The following SHANK1 variants were observed in gnomAD, a reference collection of about 807,000 sequenced individuals.
SHANK1 encodes SH3 and multiple ankyrin repeat domains protein 1.
Under a neutral mutation model 165.6 loss-of-function variants are expected in SHANK1, and 35 were observed. That is an observed-to-expected ratio of 0.21 (90% CI 0.16 to 0.28). The LOEUF is 0.28. SHANK1 is among the 10% of genes least tolerant of loss of function. SHANK1 has a pLI of 1.00. For missense variants in SHANK1, 2,681 were observed against 3,036.4 expected, an observed-to-expected ratio of 0.88 and a Z score of 2.75; for synonymous variants, 1,428 against 1,384.8, an observed-to-expected ratio of 1.03 and a Z score of -0.69.
At chr19:50,695,206 C>G (rs1479883114) in intron 15 of SHANK1, among the ~76,000 whole-genome samples, 1 of 137,502 alleles carries the variant, frequency 7.3e-6, no homozygotes, top group Admixed American at 7.0e-5. Flanking sequence ...GGGGCGCGCA[C>G]CCCCTCCCGC....
At chr19:50,677,532 C>G (rs1986019949) in intron 21 of SHANK1, among the ~76,000 whole-genome samples, 1 of 152,188 alleles carries the variant, frequency 6.6e-6, no homozygotes, top group African/African-American at 2.4e-5. Flanking sequence ...TTCTGCTAGT[C>G]TCCTCTTTCA....
chr19:50,694,351 G>A (rs1986653844), intron 15 of SHANK1, among the ~76,000 whole-genome samples: 1 of 151,158 alleles, frequency 6.6e-6, no homozygotes, highest in African/African-American at 2.4e-5. Context: ...GGGGATGACT[G>A]TGAATGGGAG....
At chr19:50,703,972 C>G in intron 10 of SHANK1, 142 bp from the exon 11 acceptor site, 1 of 841,152 alleles carries the variant, frequency 1.2e-6, no homozygotes, top group Non-Finnish European at 1.9e-6. Flanking sequence ...TGGAATTGCT[C>G]CCCCACCACC....
In SHANK1 at chr19:50,697,460, A is replaced by G; in HGVS notation, c.1937+129T>C. ...TCTGAAGCTAATTCTGGCTTATCCC[A>G]CCCCTGGATCAAACTTGAGAAGGAA... On this transcript the variant is annotated intron_variant, in intron 14 of 23. Transcript: ENST00000293441. This position sits in a 1 kb window ranked among gnomAD's most constrained non-coding sequence, Gnocchi z 4.7. The G allele has an allele frequency of 1.2e-6, 1 of 866,556 alleles. No homozygotes were observed. The highest frequency in any genetic ancestry group is 1.4e-5 in the South Asian group (1 of 69,864). The allele number at this position is 866,556 out of a possible 1,614,324, so 53.7% of individuals were successfully genotyped here.
chr19:50,681,214 A>G (rs1986170041), intron 21 of SHANK1, among the ~76,000 whole-genome samples: 1 of 151,978 alleles, frequency 6.6e-6, no homozygotes, highest in African/African-American at 2.4e-5. Flanking sequence ...AAAGATAAAG[A>G]TGGCAGGTGG....
chr19:50,671,985 C>G (rs376862785), intron 22 of SHANK1, 33 bp downstream of exon 22: 2 of 1,528,074 alleles, frequency 1.3e-6, no homozygotes, highest in Non-Finnish European at 1.8e-6. Context: ...TGGCCTCCCC[C>G]AGCCCCCACA....
intron 23 of SHANK1, among the ~76,000 whole-genome samples, chr19:50,665,566 C>CAA (rs141839934): frequency 1.9e-4 from 9 of 47,636 alleles, no homozygotes; most frequent in East Asian, 6.6e-4. Context: ...GACTCTGTCT[C>CAA]AAAAAAAAAA....
At position 50,690,701 on chromosome 19, in the gene SHANK1, G is replaced by A. The variant is rs559597980; in HGVS notation, c.1965-1422C>T. Among the ~76,000 whole-genome samples the A allele has an allele frequency of 3.3e-5, 5 of 151,934 alleles. No individual in the cohort carries two copies. The highest frequency in any genetic ancestry group is 2.1e-4 in the South Asian group (1 of 4,798). ...CAAATTCAGCAAAACAGCCGTCCTC[G>A]AATACTCCAGTATGTTTCGGCAACC... On this transcript the variant is annotated intron_variant, in intron 15 of 23. Coordinates refer to ENST00000293441, the MANE Select transcript of SHANK1 (RefSeq NM_016148.5). This position sits in a 1 kb window ranked among gnomAD's most constrained non-coding sequence, Gnocchi z 4.9.
At position 50,702,926 on chromosome 19, in the gene SHANK1, G is replaced by A. The variant is rs1410634404; in HGVS notation, c.1554-266C>T. On this transcript the variant is annotated intron_variant, in intron 11 of 23. Coordinates refer to ENST00000293441, the MANE Select transcript of SHANK1 (RefSeq NM_016148.5). This position sits in a 1 kb window ranked among gnomAD's most constrained non-coding sequence, Gnocchi z 5.3. The stretch of plus-strand genomic sequence containing the variant: ...CGCACCGCCTGATTCAGCTTCCTGA[G>A]GCTGAGCTGGGACTGTGTCATCCCT... Among the ~76,000 whole-genome samples, 2 of 152,070 alleles carry A rather than the reference G, an allele frequency of 1.3e-5. No individual in the cohort carries two copies.
chr19:50,714,846 T>G (rs1451279871), intron 4 of SHANK1, among the ~76,000 whole-genome samples: 2 of 151,950 alleles, frequency 1.3e-5, no homozygotes, highest in Non-Finnish European at 2.9e-5. Flanking sequence ...TTATTTAACT[T>G]TTTTTTGGTA....
rs1324987822 is a variant in SHANK1, at chr19:50,719,522, G to C, written c.-160C>G. 1 of 137,298 alleles carries C rather than the reference G, an allele frequency of 7.3e-6. No homozygotes were observed. The highest frequency in any genetic ancestry group is 2.6e-4 in the East Asian group (1 of 3,792). 8.5% of individuals were successfully genotyped at this position (137,298 alleles called of 1,614,324 possible). On this transcript the variant is annotated 5_prime_UTR_variant, in exon 1 of 24. Coordinates refer to ENST00000293441, the MANE Select transcript of SHANK1 (RefSeq NM_016148.5). ...CAGGCCATGCCCCACCGCCCCGGAG[G>C]GCGAGCGGGCCCGGGGAGGGGGCGG... is the stretch of plus-strand genomic sequence containing the variant.
chr19:50,683,283 G>A (rs924063349), intron 21 of SHANK1, among the ~76,000 whole-genome samples: 1 of 152,148 alleles, frequency 6.6e-6, no homozygotes, highest in Non-Finnish European at 1.5e-5. Flanking sequence ...CACAGGACAG[G>A]CTTCCACAAC....
intron 21 of SHANK1, among the ~76,000 whole-genome samples, chr19:50,677,933 T>C (rs1373233779): frequency 6.6e-6 from 1 of 152,194 alleles, no homozygotes; most frequent in Non-Finnish European, 1.5e-5. Context: ...ACCAATACTC[T>C]GCTTGGCTTT....
rs368454273 is a variant in SHANK1 at position 50,662,313 on chromosome 19, C to T, written c.6138G>A (p.Ser2046=). The T allele has an allele frequency of 1.9e-5, 30 of 1,608,994 alleles. No homozygotes were observed. The highest frequency in any genetic ancestry group is 2.2e-5 in the Non-Finnish European group (26 of 1,177,098). Residue 2046 remains serine (S), a synonymous_variant, in exon 24 of 24, where the codon TCG becomes TCA. Coordinates refer to ENST00000293441, the MANE Select transcript of SHANK1 (RefSeq NM_016148.5). The surrounding 1 kb of genome is among the most constrained non-coding windows in gnomAD (Gnocchi z 7.7). ...CAAAGACTGGGGCGAAGGGGTCAGCCGAGCCTCCTGCCCCTCCAGTTGGGG... is the reference window on the plus strand; with the variant it reads ...CAAAGACTGGGGCGAAGGGGTCAGCTGAGCCTCCTGCCCCTCCAGTTGGGG... ...RGSPTGGAGG[S]ADPFAPVFVP...
At chr19:50,672,283 C>T (rs561983590) in intron 21 of SHANK1, among the ~76,000 whole-genome samples, 169 bp from the exon 22 acceptor site, 6 of 152,264 alleles carry the variant, frequency 3.9e-5, no homozygotes, top group African/African-American at 7.2e-5. Flanking sequence ...ACGTGGCTCA[C>T]GCCTGTAATC....
chr19:50,662,277 G>A lies in SHANK1; in HGVS notation c.6174C>T (p.His2058=), dbSNP rs1418654140. The change falls in exon 24 of 24, where the codon CAC becomes CAT. Residue 2058 remains histidine, a synonymous_variant. Coordinates refer to ENST00000293441, the MANE Select transcript of SHANK1 (RefSeq NM_016148.5). This position sits in a 1 kb window ranked among gnomAD's most constrained non-coding sequence, Gnocchi z 7.7. The part of the protein sequence containing the change: ...DPFAPVFVPP[H]PGISGGLGGA... ...CCCCGAGCCCCCCGGATATCCCCGGGTGTGGCGGCACAAAGACTGGGGCGA... is the reference window on the plus strand; with the variant it reads ...CCCCGAGCCCCCCGGATATCCCCGGATGTGGCGGCACAAAGACTGGGGCGA... 4 of 1,612,076 alleles carry A rather than the reference G, an allele frequency of 2.5e-6. No individual in the cohort carries two copies. The African/African-American group carries it at 5.3e-5, about 22-fold the overall frequency.
In SHANK1 at chr19:50,659,639, G is replaced by A. The variant is rs1224087815; in HGVS notation, c.*2326C>T. 6.7e-6 allele frequency among the ~76,000 whole-genome samples: 1 copy of A among 148,440 alleles called. No individual in the cohort carries two copies. The highest frequency in any genetic ancestry group is 1.5e-5 in the Non-Finnish European group (1 of 67,208). On this transcript the variant is annotated 3_prime_UTR_variant, in exon 24 of 24. Transcript: ENST00000293441. ...CTGGATTTTTTTGTGTGTTCTAGGG[G>A]TTTTGTGTTTTTTTTTTCTGTTTTT...
rs765519002 is a variant in SHANK1 at position 50,670,958 on chromosome 19, T to G, written c.2674+1060A>C. 1.3e-5 allele frequency among the ~76,000 whole-genome samples: 2 copies of G among 151,588 alleles called. No individual in the cohort carries two copies. Among genetic ancestry groups the G allele is most frequent in the Non-Finnish European group, 2.9e-5 (2 of 67,912 alleles). ...ACAGGCACATGCCACCACGCTTGGC[T>G]AATTTTTGTATTTTTAGTAGAAATG... is the stretch of plus-strand genomic sequence containing the variant. On this transcript the variant is annotated intron_variant, in intron 22 of 23. Transcript: ENST00000293441. The surrounding 1 kb of genome is among the most constrained non-coding windows in gnomAD (Gnocchi z 4.1).
At chr19:50,665,628 G>A (rs1016938901) in intron 23 of SHANK1, among the ~76,000 whole-genome samples, 6 of 147,216 alleles carry the variant, frequency 4.1e-5, no homozygotes, top group South Asian at 2.2e-4. Context: ...GCATAGTGGC[G>A]TGCACCTATA....
Sources: allele counts gnomAD v4.1 joint callset (sites outside exome capture counted in the v4.1 genomes callset), GRCh38; gene constraint gnomAD v4.1.1; non-coding constraint Gnocchi (gnomAD v3.1); transcripts MANE v1.5; gene names NCBI Gene and HGNC (gene_info 2026-07-23, HGNC 2026-07-21).